SVOP: variants seen among roughly 807,000 people sequenced by gnomAD.
SVOP encodes the protein synaptic vesicle 2-related protein.
SVOP carries 17 observed loss-of-function variants against 69.1 expected under a neutral mutation model. The ratio of observed to expected loss-of-function variants is 0.25; its 90% CI spans 0.17 to 0.37. The LOEUF is 0.37. SVOP is among the 10% of genes least tolerant of loss of function. SVOP has a pLI of 1.00. For missense variants in SVOP, 435 were observed against 597.5 expected, an observed-to-expected ratio of 0.73 and a Z score of 2.84; for synonymous variants, 238 against 238.6, an observed-to-expected ratio of 1.00 and a Z score of 0.02.
At chr12:108,943,763 A>C (rs897241257) in intron 7 of SVOP, among the ~76,000 whole-genome samples, 2 of 151,882 alleles carry the variant, frequency 1.3e-5, no homozygotes, top group Non-Finnish European at 1.5e-5. Context: ...GCTGGTCTAG[A>C]TACATTTCCT....
chr12:108,950,768 T>C (rs1566055387), intron 6 of SVOP, among the ~76,000 whole-genome samples: 2 of 152,182 alleles, frequency 1.3e-5, no homozygotes, highest in African/African-American at 4.8e-5. Flanking sequence ...TATGAATGCT[T>C]AGGTTGTGTT....
chr12:108,976,423 C>T (rs1038190845), intron 4 of SVOP, among the ~76,000 whole-genome samples: 4 of 152,176 alleles, frequency 2.6e-5, no homozygotes, highest in African/African-American at 9.7e-5. Context: ...CTCTGTGCCT[C>T]ATCTTGCTCA....
At chr12:108,938,991 G>T (rs777167921) in intron 8 of SVOP, 36 bp from the exon 9 acceptor site, 1 of 1,613,372 alleles carries the variant, frequency 6.2e-7, no homozygotes, top group Non-Finnish European at 8.5e-7. Flanking sequence ...AGGCGTGGCT[G>T]GTTAGGGTGG....
intron 2 of SVOP, among the ~76,000 whole-genome samples, chr12:108,983,157 T>TCATCACCATCATCACCATTGC (rs2040150783): frequency 6.6e-6 from 1 of 151,430 alleles, no homozygotes; most frequent in Non-Finnish European, 1.5e-5. Flanking sequence ...ATCACCATTG[T>TCATCACCATCATCACCATTGC]CATCACCATC....
At chr12:108,990,189 G>A (rs1263099883) in intron 1 of SVOP, among the ~76,000 whole-genome samples, 1 of 152,186 alleles carries the variant, frequency 6.6e-6, no homozygotes, top group Non-Finnish European at 1.5e-5. Context: ...TGTGTGGGCA[G>A]GCTTGCCAGA....
intron 4 of SVOP, among the ~76,000 whole-genome samples, chr12:108,976,848 C>A (rs1225159098): frequency 6.6e-6 from 1 of 152,170 alleles, no homozygotes; most frequent in African/African-American, 2.4e-5. Context: ...CTCCTGACCT[C>A]AGGTGGTCCA....
intron 9 of SVOP, 140 bp downstream of exon 9, chr12:108,938,687 C>T (rs2039870546): frequency 7.2e-7 from 1 of 1,385,914 alleles, no homozygotes; most frequent in Non-Finnish European, 1.0e-6. Flanking sequence ...CCCTCATCTG[C>T]TCCATGTGCA....
intron 1 of SVOP, among the ~76,000 whole-genome samples, chr12:109,001,417 A>C (rs1190638947): frequency 1.3e-5 from 2 of 150,900 alleles, no homozygotes; most frequent in Non-Finnish European, 3.0e-5. Context: ...CCATCCCCAT[A>C]AAGCTACCAA....
At chr12:108,985,886 C>G (rs2040163427) in intron 1 of SVOP, among the ~76,000 whole-genome samples, 1 of 152,200 alleles carries the variant, frequency 6.6e-6, no homozygotes, top group Non-Finnish European at 1.5e-5. Context: ...AAGGGTAAAT[C>G]TCTGGATTTC....
chr12:109,017,632 C>T (rs896317208), intron 1 of SVOP, among the ~76,000 whole-genome samples: 9 of 152,144 alleles, frequency 5.9e-5, no homozygotes, highest in Non-Finnish European at 1.3e-4. Flanking sequence ...TCACCGCAAC[C>T]TCTGCCTCCC....
chr12:108,937,141 A>G, intron 10 of SVOP, 123 bp downstream of exon 10: 1 of 875,532 alleles, frequency 1.1e-6, no homozygotes, highest in South Asian at 1.4e-5. Flanking sequence ...TGATGTTCGA[A>G]CTACTGAAAT....
chr12:108,924,133 G>T lies in SVOP; in HGVS notation c.1049-1336C>A, dbSNP rs76922761. On this transcript the variant is annotated intron_variant, in intron 11 of 15. Coordinates refer to ENST00000610966, the MANE Select transcript of SVOP (RefSeq NM_018711.5). ...TATGCCATCTGAGGACACAGTGTTT[G>T]CCCCTTTTATCATGTGAGGATGCCA... Among the ~76,000 whole-genome samples the T allele has an allele frequency of 3.7e-4, 57 of 152,248 alleles. 1 individual carries two copies. In the East Asian group the frequency reaches 0.01, roughly 27 times the overall value.
At chr12:108,985,253 A>G (rs1398198224) in intron 1 of SVOP, among the ~76,000 whole-genome samples, 9 of 151,890 alleles carry the variant, frequency 5.9e-5, no homozygotes, top group Non-Finnish European at 1.2e-4. Context: ...AAACAAAGAA[A>G]AGAAAGAAAG....
intron 15 of SVOP, among the ~76,000 whole-genome samples, chr12:108,913,855 T>C (rs1566045592): frequency 6.6e-6 from 1 of 152,112 alleles, no homozygotes; most frequent in Non-Finnish European, 1.5e-5. Flanking sequence ...CTCACCAAAT[T>C]GACCAGGCTG....
rs58720673 is a variant in SVOP, at chr12:108,928,568, A to ATT, written c.1048+5625_1048+5626dup. On this transcript the variant is annotated intron_variant, in intron 11 of 15. Coordinates refer to ENST00000610966, the MANE Select transcript of SVOP (RefSeq NM_018711.5). ...TCATAAAACCCAGACGGATTTTCTG[A>ATT]TTTTTTTTTTTTTTTTGAGACAGAA... is the stretch of plus-strand genomic sequence containing the variant. 9.8e-3 allele frequency among the ~76,000 whole-genome samples: 1,399 copies of ATT among 142,816 alleles called. 42 individuals are homozygous for ATT. The East Asian group carries it at 0.11, about 11-fold the overall frequency. 93.7% of individuals were successfully genotyped at this position (142,816 alleles called of 152,430 possible). A position where few individuals can be genotyped will look rare whatever the true frequency, so the allele number is the denominator to read the frequency against.
intron 9 of SVOP, 69 bp downstream of exon 9, chr12:108,938,758 C>T: frequency 1.2e-6 from 2 of 1,607,028 alleles, no homozygotes; most frequent in Non-Finnish European, 1.7e-6. Flanking sequence ...TGCCCTACTC[C>T]ATATGCACAC....
chr12:108,983,499 C>T (rs2040153004), intron 2 of SVOP, 102 bp downstream of exon 2: 1 of 398,380 alleles, frequency 2.5e-6, no homozygotes, highest in Non-Finnish European at 4.4e-6. Flanking sequence ...GCCCCCTGGG[C>T]CCTCCCAACT....
At chr12:108,996,761 G>A (rs7970858) in intron 1 of SVOP, among the ~76,000 whole-genome samples, 145,014 of 152,116 alleles carry the variant, frequency 0.95, 69,520 homozygotes, top group East Asian at 1. Flanking sequence ...TGAGACCTCC[G>A]TCTCTACAAA....
intron 1 of SVOP, among the ~76,000 whole-genome samples, chr12:108,997,364 G>A (rs1593204279): frequency 2.6e-5 from 4 of 151,000 alleles, no homozygotes; most frequent in South Asian, 2.1e-4. Context: ...CAAACTGCAA[G>A]GCGGCAGCGA....
Sources: allele counts gnomAD v4.1 joint callset (sites outside exome capture counted in the v4.1 genomes callset), GRCh38; gene constraint gnomAD v4.1.1; transcripts MANE v1.5; gene names NCBI Gene and HGNC (gene_info 2026-07-23, HGNC 2026-07-21).